FOXP4: variants seen among roughly 807,000 people sequenced by gnomAD.
FOXP4 encodes the protein forkhead box P4.
A neutral mutation model predicts 82.6 loss-of-function variants in FOXP4; 25 were observed. The ratio of observed to expected loss-of-function variants is 0.30; its 90% CI spans 0.22 to 0.42. The LOEUF (loss-of-function observed/expected upper bound fraction) is 0.42, where lower values mean the gene tolerates loss of function less well. FOXP4 is among the 10% of genes least tolerant of loss of function. The pLI is 1.00. For missense variants in FOXP4, 785 were observed against 900.9 expected (o/e 0.87, Z 1.65); for synonymous variants, 415 against 388.2 (o/e 1.07, Z -0.81).
At chr6:41,547,732 G>C (rs1450716127) in intron 1 of FOXP4, among the ~76,000 whole-genome samples, 1 of 152,076 alleles carries the variant, frequency 6.6e-6, no homozygotes, top group Non-Finnish European at 1.5e-5. Flanking sequence ...GCGGCCACGG[G>C]GGCCCGGAGG....
chr6:41,598,682 C>T, intron 16 of FOXP4, 107 bp from the exon 17 acceptor site: 1 of 1,469,444 alleles, frequency 6.8e-7, no homozygotes, highest in Non-Finnish European at 9.2e-7. Flanking sequence ...GGGGAGGGGG[C>T]TGTGGGCACC....
In FOXP4 at chr6:41,563,675, G is replaced by T. The variant is rs148440511; in HGVS notation, c.-16-2070G>T. 9.2e-5 allele frequency among the ~76,000 whole-genome samples: 14 copies of T among 152,302 alleles called. No homozygotes were observed. In the East Asian group the frequency reaches 9.6e-4, roughly 10 times the overall value. ...CTTACAATTATGGTGGGTGGAGAAG[G>T]CGCTGATCAATATTGGGGGCTTGCT... On this transcript the variant is annotated intron_variant, in intron 1 of 16. Transcript: ENST00000307972.
chr6:41,572,758 C>G (rs1178638447), intron 2 of FOXP4, among the ~76,000 whole-genome samples: 1 of 152,056 alleles, frequency 6.6e-6, no homozygotes, highest in Non-Finnish European at 1.5e-5. Context: ...CAAATTAAAC[C>G]AGAATTTGCT....
chr6:41,601,186 C>T lies in FOXP4; in HGVS notation c.*2250C>T, dbSNP rs1314267360. ...AGTGTGCGTGCACACCCACGTGGCA[C>T]ACTGTGTGGTGACCATGGTCATCAT... On this transcript the variant is annotated 3_prime_UTR_variant, in exon 17 of 17. Coordinates refer to ENST00000307972, the MANE Select transcript of FOXP4 (RefSeq NM_001012426.2). 1 of 152,362 alleles carries T rather than the reference C, an allele frequency of 6.6e-6. No homozygotes were observed. The highest frequency in any genetic ancestry group is 1.5e-5 in the Non-Finnish European group (1 of 68,130). 9.4% of individuals were successfully genotyped at this position (152,362 alleles called of 1,614,324 possible). A position where few individuals can be genotyped will look rare whatever the true frequency, so the allele number is the denominator to read the frequency against.
chr6:41,563,346 G>T (rs952571041), intron 1 of FOXP4, among the ~76,000 whole-genome samples: 7 of 152,200 alleles, frequency 4.6e-5, no homozygotes, highest in African/African-American at 1.7e-4. Flanking sequence ...TGAAAGGAGA[G>T]AATTTGGGAG....
In FOXP4 at chr6:41,558,947, C is replaced by A. The variant is rs9462721; in HGVS notation, c.-16-6798C>A. ...TGTGCTCTGGTATCCACATGTGTATCTTTTTATATAATCTAGAAATGTATG... is the reference window on the plus strand; with the variant it reads ...TGTGCTCTGGTATCCACATGTGTATATTTTTATATAATCTAGAAATGTATG... On this transcript the variant is annotated intron_variant, in intron 1 of 16. Transcript: ENST00000307972. This position sits in a 1 kb window ranked among gnomAD's most constrained non-coding sequence, Gnocchi z 4.0. Among the ~76,000 whole-genome samples, 1,776 of 152,318 alleles carry A rather than the reference C, an allele frequency of 0.012. 30 individuals carry two copies. Among genetic ancestry groups the A allele is most frequent in the African/African-American group, 0.04 (1,647 of 41,562 alleles).
chr6:41,549,767 G>T (rs1763895415), intron 1 of FOXP4, among the ~76,000 whole-genome samples: 1 of 151,410 alleles, frequency 6.6e-6, no homozygotes, highest in East Asian at 1.9e-4. Context: ...ATGGGAACAG[G>T]GTGTCTGTTT....
At chr6:41,566,682 G>A (rs553234004) in intron 2 of FOXP4, among the ~76,000 whole-genome samples, 9 of 152,326 alleles carry the variant, frequency 5.9e-5, no homozygotes, top group Admixed American at 3.3e-4. Context: ...TGGGGAAAAA[G>A]GGAGAGTCAT....
chr6:41,554,101 A>G (rs547243677), intron 1 of FOXP4, among the ~76,000 whole-genome samples: 1 of 152,308 alleles, frequency 6.6e-6, no homozygotes, highest in East Asian at 1.9e-4. Flanking sequence ...TATCCCCACA[A>G]CAACCCTGAA....
At chr6:41,569,015 G>C (rs1322654333) in intron 2 of FOXP4, among the ~76,000 whole-genome samples, 1 of 152,152 alleles carries the variant, frequency 6.6e-6, no homozygotes, top group East Asian at 1.9e-4. Flanking sequence ...TAGAGGGAGA[G>C]GGTCCTTGGC....
intron 14 of FOXP4, among the ~76,000 whole-genome samples, chr6:41,595,400 C>A (rs563300634): frequency 6.6e-6 from 1 of 151,872 alleles, no homozygotes; most frequent in African/African-American, 2.4e-5. Context: ...TCTGAGGTCC[C>A]GCGACCCCAC....
chr6:41,589,975 C>T lies in FOXP4; in HGVS notation c.1162C>T (p.Pro388Ser). 1 of 1,613,936 alleles carries T rather than the reference C, an allele frequency of 6.2e-7. No homozygotes were observed. The highest frequency in any genetic ancestry group is 8.5e-7 in the Non-Finnish European group (1 of 1,179,976). The change falls in exon 11 of 17, where the codon CCC (proline) becomes TCC (serine). Residue 388 changes from proline to serine, a missense_variant. This residue lies in a region of FOXP4 where 570 missense variants were observed against 634.0 expected (regional missense o/e 0.90). Coordinates refer to ENST00000307972, the MANE Select transcript of FOXP4 (RefSeq NM_001012426.2). ...KPFSQPLNPVPGSSSFSKVTV... is the reference protein window; with the variant it reads ...KPFSQPLNPVSGSSSFSKVTV... The stretch of plus-strand genomic sequence containing the variant: ...CCGTTGCTCACAGCTGAACCCGGTC[C>T]CCGGCTCCTCCTCATTCTCCAAGGT...
chr6:41,562,163 C>G (rs1764620475), intron 1 of FOXP4, among the ~76,000 whole-genome samples: 1 of 152,186 alleles, frequency 6.6e-6, no homozygotes, highest in African/African-American at 2.4e-5. Context: ...GCAGGTATCC[C>G]AGGGCAGAGG....
At chr6:41,589,624 C>A in intron 9 of FOXP4, 147 bp from the exon 10 acceptor site, 1 of 766,020 alleles carries the variant, frequency 1.3e-6, no homozygotes, top group Non-Finnish European at 2.1e-6. Flanking sequence ...TGGAGCGGGT[C>A]ACAGAGGGAG....
Position 41,598,855 on chromosome 6 carries a change from G to C in FOXP4, c.1962G>C (p.Leu654=), listed in dbSNP as rs1350107458. ...AEEDRQPGPP[L]GAPNPSASGP... is the part of the protein sequence containing the mutation. ...AAGACAGGCAGCCCGGGCCTCCCCT[G>C]GGCGCCCCTAACCCCAGCGCCTCGG... Residue 654 remains leucine (L), a synonymous_variant, in exon 17 of 17, where the codon CTG becomes CTC. Coordinates refer to ENST00000307972, the MANE Select transcript of FOXP4 (RefSeq NM_001012426.2). The C allele has an allele frequency of 4.4e-6, 7 of 1,590,958 alleles. No homozygotes were observed. In the African/African-American group the frequency reaches 6.7e-5, roughly 15 times the overall value.
chr6:41,568,706 A>G (rs996651821), intron 2 of FOXP4, among the ~76,000 whole-genome samples: 10 of 152,162 alleles, frequency 6.6e-5, no homozygotes, highest in African/African-American at 1.9e-4. Flanking sequence ...TGGCTCTCCA[A>G]GCTCCTCTGC....
intron 1 of FOXP4, among the ~76,000 whole-genome samples, chr6:41,552,832 C>G (rs1434730368): frequency 1.3e-5 from 2 of 152,096 alleles, no homozygotes; most frequent in East Asian, 3.9e-4. Flanking sequence ...GGGTCTAGGC[C>G]TAAACAGTCT....
intron 1 of FOXP4, among the ~76,000 whole-genome samples, chr6:41,561,301 A>G (rs759338451): frequency 6.8e-6 from 1 of 147,968 alleles, no homozygotes; most frequent in Non-Finnish European, 1.5e-5. Context: ...CTGCCAAAAT[A>G]ACTCGGCCTC....
rs1462989995 is a variant in FOXP4 at position 41,599,151 on chromosome 6, CA to C, written c.*216del. 7 of 585,648 alleles carry C rather than the reference CA, an allele frequency of 1.2e-5. No homozygotes were observed. Among genetic ancestry groups the C allele is most frequent in the Non-Finnish European group, 2.0e-5 (7 of 344,142 alleles). 36.3% of individuals were successfully genotyped at this position (585,648 alleles called of 1,614,324 possible). ...AGGGACACAACCCCTGGTCTTGGAC[CA>C]GTAGAGGACACGGAGGGTTCAGACC... On this transcript the variant is annotated 3_prime_UTR_variant, in exon 17 of 17. Transcript: ENST00000307972.
Sources: gnomAD v4.1 joint callset for allele counts (sites outside exome capture counted in the v4.1 genomes callset) on GRCh38, gnomAD v4.1.1 for gene constraint, gnomAD v4.1.1 regional missense constraint, Gnocchi (gnomAD v3.1) non-coding constraint, MANE v1.5 for transcripts, NCBI Gene and HGNC (gene_info 2026-07-23, HGNC 2026-07-21) for gene names.